PKD2L2: variants seen among roughly 807,000 people sequenced by gnomAD.
PKD2L2 encodes polycystin 2 like 2, transient receptor potential cation channel, also known as polycystin-2-like protein 2.
Under a neutral mutation model 83.9 loss-of-function variants are expected in PKD2L2, and 67 were observed. The observed-to-expected ratio is 0.80, with a 90% CI of 0.66 to 0.98. The LOEUF (loss-of-function observed/expected upper bound fraction) is 0.98, where lower values mean the gene tolerates loss of function less well. Ranked by LOEUF, PKD2L2 falls within the 50% of genes least tolerant of loss-of-function variation. PKD2L2 has a pLI of 0.00. For missense variants in PKD2L2, 632 were observed against 717.2 expected, an observed-to-expected ratio of 0.88 and a Z score of 1.36; for synonymous variants, 223 against 237.8, an observed-to-expected ratio of 0.94 and a Z score of 0.57.
intron 4 of PKD2L2, among the ~76,000 whole-genome samples, chr5:137,897,937 A>G (rs2534734): frequency 1 from 151,944 of 151,954 alleles, 75,967 homozygotes; most frequent in Middle Eastern, 1. Flanking sequence ...CTGTAATTAA[A>G]TTAAAAAATA....
intron 12 of PKD2L2, among the ~76,000 whole-genome samples, chr5:137,930,277 C>A (rs1157644317): frequency 6.6e-6 from 1 of 152,034 alleles, no homozygotes; most frequent in African/African-American, 2.4e-5. Flanking sequence ...GAAAAAAATT[C>A]TATGAAAACA....
At chr5:137,916,579 A>T (rs901466734) in intron 8 of PKD2L2, among the ~76,000 whole-genome samples, 3 of 144,756 alleles carry the variant, frequency 2.1e-5, no homozygotes, top group Non-Finnish European at 4.5e-5. Flanking sequence ...TCCAAGGTTC[A>T]AGTGATTCTC....
At chr5:137,939,948 A>G in intron 14 of PKD2L2, 2 of 1,379,910 alleles carry the variant, frequency 1.4e-6, no homozygotes, top group Admixed American at 6.7e-5. Context: ...TCTTTTGCTA[A>G]AAGGATGTAT....
chr5:137,934,731 G>A (rs536052619), intron 12 of PKD2L2, among the ~76,000 whole-genome samples: 1 of 152,166 alleles, frequency 6.6e-6, no homozygotes, highest in East Asian at 1.9e-4. Context: ...AGAATCCTTT[G>A]AACCCGGGAG....
chr5:137,930,664 TAAA>T (rs554720958), intron 12 of PKD2L2, among the ~76,000 whole-genome samples: 3 of 84,674 alleles, frequency 3.5e-5, no homozygotes, highest in Admixed American at 1.3e-4. Context: ...AGACTCCATC[TAAA>T]AAAAAAAAAA....
chr5:137,905,126 C>G (rs912058871), intron 5 of PKD2L2, among the ~76,000 whole-genome samples: 4 of 152,204 alleles, frequency 2.6e-5, no homozygotes, highest in African/African-American at 9.6e-5. Flanking sequence ...TGAAGAAGCC[C>G]TTGTAATATA....
intron 5 of PKD2L2, among the ~76,000 whole-genome samples, chr5:137,900,923 A>C (rs1756900331): frequency 1.3e-5 from 2 of 152,170 alleles, no homozygotes; most frequent in Admixed American, 6.5e-5. Flanking sequence ...GAATCACCTG[A>C]GGTCAGGAGT....
intron 14 of PKD2L2, chr5:137,937,812 T>C (rs1760599653): frequency 6.6e-6 from 1 of 152,144 alleles, no homozygotes; most frequent in Non-Finnish European, 1.5e-5. Context: ...CCCAGAGTTG[T>C]AGCCAGCCAA....
intron 5 of PKD2L2, 64 bp downstream of exon 5, chr5:137,899,801 T>A: frequency 1.2e-6 from 1 of 828,698 alleles, no homozygotes; most frequent in Non-Finnish European, 2.0e-6. Flanking sequence ...TCTTTATTAG[T>A]ACAGTTGACC....
In PKD2L2 at chr5:137,894,478, T is replaced by C; in HGVS notation, c.393T>C (p.Val131=). The change falls in exon 4 of 15, where the codon GTT becomes GTC. Residue 131 remains valine, a synonymous_variant. Transcript: ENST00000508883. ...YENILLGVPR[V]RQLKVRNNTC... is the part of the protein sequence containing the mutation. ...ATATACTTCTAGGAGTTCCCAGAGT[T>C]CGTCAACTAAAAGTCCGCAACAACA... The C allele has an allele frequency of 6.2e-7, 1 of 1,614,042 alleles. No individual in the cohort carries two copies. Among genetic ancestry groups the C allele is most frequent in the Non-Finnish European group, 8.5e-7 (1 of 1,179,956 alleles).
chr5:137,923,342 C>A (rs1181826451), intron 9 of PKD2L2, 78 bp from the exon 10 acceptor site: 7 of 752,852 alleles, frequency 9.3e-6, no homozygotes. Context: ...TATAATTTTA[C>A]AAACCCAAAA....
rs1580977776 is a variant in PKD2L2, at chr5:137,925,157, T to C, written c.1616+53T>C. ...CTTACCATTTTAAAGTTCCACATTATATGAGAACCTTATAAGGTTTTTTTT... is the reference window on the plus strand; with the variant it reads ...CTTACCATTTTAAAGTTCCACATTACATGAGAACCTTATAAGGTTTTTTTT... On this transcript the variant is annotated intron_variant, in intron 11 of 14. Transcript: ENST00000508883. 21 of 1,074,550 alleles carry C rather than the reference T, an allele frequency of 2.0e-5. No individual in the cohort carries two copies. The East Asian group carries it at 5.0e-4, about 25-fold the overall frequency. 66.6% of individuals were successfully genotyped at this position (1,074,550 alleles called of 1,614,324 possible). A position where few individuals can be genotyped will look rare whatever the true frequency, so the allele number is the denominator to read the frequency against.
chr5:137,898,318 C>T (rs527416316), intron 4 of PKD2L2, among the ~76,000 whole-genome samples: 61 of 152,218 alleles, frequency 4.0e-4, no homozygotes, highest in African/African-American at 1.4e-3. Context: ...ATTAAAATAT[C>T]TACGTAACAA....
intron 6 of PKD2L2, among the ~76,000 whole-genome samples, chr5:137,907,169 C>T (rs753130475): frequency 6.6e-6 from 1 of 152,188 alleles, no homozygotes; most frequent in Non-Finnish European, 1.5e-5. Flanking sequence ...AGTCAGAAAG[C>T]ATGCCACCTA....
intron 9 of PKD2L2, among the ~76,000 whole-genome samples, chr5:137,922,770 ATAAT>A (rs1759031092): frequency 6.6e-6 from 1 of 152,070 alleles, no homozygotes; most frequent in South Asian, 2.1e-4. Context: ...TTATGAACAC[ATAAT>A]TATTCATTCT....
chr5:137,911,436 T>G (rs1206413191), intron 8 of PKD2L2, among the ~76,000 whole-genome samples: 1 of 152,232 alleles, frequency 6.6e-6, no homozygotes, highest in Admixed American at 6.5e-5. Context: ...TGAACATGGA[T>G]GTATAAATAT....
At chr5:137,889,800 C>A (rs781402440) in intron 1 of PKD2L2, among the ~76,000 whole-genome samples, 25 of 152,206 alleles carry the variant, frequency 1.6e-4, no homozygotes, top group Admixed American at 7.9e-4. Context: ...TCTCTAAAGT[C>A]CTTGGTTGAT....
Position 137,925,038 on chromosome 5 carries a change from A to G in PKD2L2, c.1552-2A>G, listed in dbSNP as rs1322529444. Reference sequence around the variant, plus strand: ...TTTCAAACTATTTTAAATTATGCCCAGAGTTACAAAAATGTTCTCGAGAAA... The same window carrying G: ...TTTCAAACTATTTTAAATTATGCCCGGAGTTACAAAAATGTTCTCGAGAAA... On this transcript the variant is annotated splice_acceptor_variant, in intron 10 of 14. Transcript: ENST00000508883. LOFTEE classifies it high-confidence loss of function. 1 of 1,562,832 alleles carries G rather than the reference A, an allele frequency of 6.4e-7. No individual in the cohort carries two copies.
At chr5:137,929,534 C>CA (rs756601170) in intron 12 of PKD2L2, among the ~76,000 whole-genome samples, 938 of 3,432 alleles carry the variant, frequency 0.27, 321 homozygotes, top group Non-Finnish European at 0.32. Flanking sequence ...ACAAAATTGC[C>CA]AAAAAAAAAA....
Sources: allele counts gnomAD v4.1 joint callset (sites outside exome capture counted in the v4.1 genomes callset), GRCh38; gene constraint gnomAD v4.1.1; transcripts MANE v1.5; gene names NCBI Gene and HGNC (gene_info 2026-07-23, HGNC 2026-07-21).